The following CCSER1 variants were observed in gnomAD, a reference collection of about 807,000 sequenced individuals.
CCSER1 encodes coiled-coil serine rich protein 1.
A neutral mutation model predicts 82.0 loss-of-function variants in CCSER1; 41 were observed. The ratio of observed to expected loss-of-function variants is 0.50; its 90% CI spans 0.39 to 0.65. CCSER1 has a LOEUF of 0.65. Ranked by LOEUF, CCSER1 falls within the 30% of genes least tolerant of loss-of-function variation. The pLI is 0.00. For missense variants in CCSER1, 1,119 were observed against 1,064.2 expected (o/e 1.05, Z -0.72); for synonymous variants, 414 against 383.9 (o/e 1.08, Z -0.92).
chr4:90,843,119 A>G (rs528412214), intron 8 of CCSER1, among the ~76,000 whole-genome samples: 1 of 152,248 alleles, frequency 6.6e-6, no homozygotes, highest in East Asian at 1.9e-4. Context: ...TATTTGCATG[A>G]CCTTGGGTAA....
intron 5 of CCSER1, among the ~76,000 whole-genome samples, chr4:90,600,207 C>G (rs528771160): frequency 2.6e-5 from 4 of 152,190 alleles, no homozygotes; most frequent in Non-Finnish European, 4.4e-5. Flanking sequence ...ATTTATTTCT[C>G]TTGAGTAAAT....
chr4:90,523,739 C>T (rs905730309), intron 5 of CCSER1, among the ~76,000 whole-genome samples: 4 of 151,912 alleles, frequency 2.6e-5, no homozygotes. Context: ...TCATGATACT[C>T]CAAACTATAA....
At chr4:91,420,701 GAAATT>G (rs944230451) in intron 10 of CCSER1, among the ~76,000 whole-genome samples, 3 of 152,028 alleles carry the variant, frequency 2.0e-5, no homozygotes, top group Admixed American at 1.3e-4. Flanking sequence ...ATGTCCAAAG[GAAATT>G]AAATTAATAT....
chr4:91,090,786 T>A (rs1011326930), intron 10 of CCSER1, among the ~76,000 whole-genome samples: 1 of 152,210 alleles, frequency 6.6e-6, no homozygotes, highest in Non-Finnish European at 1.5e-5. Flanking sequence ...ATTTAGTTCA[T>A]CATAGAAAGT....
At chr4:90,870,969 T>A (rs1038611788) in intron 8 of CCSER1, among the ~76,000 whole-genome samples, 1 of 151,194 alleles carries the variant, frequency 6.6e-6, no homozygotes, top group Admixed American at 6.6e-5. Context: ...TTTCCTTTTT[T>A]AATGTATGTT....
intron 7 of CCSER1, among the ~76,000 whole-genome samples, chr4:90,788,557 T>G (rs1327191641): frequency 1.3e-5 from 2 of 152,164 alleles, no homozygotes; most frequent in African/African-American, 2.4e-5. Context: ...CCTGTAGGTG[T>G]CCTTTGTGTC....
chr4:90,489,683 C>T (rs1767660615), intron 5 of CCSER1, among the ~76,000 whole-genome samples: 1 of 152,142 alleles, frequency 6.6e-6, no homozygotes, highest in Admixed American at 6.5e-5. Context: ...CACCCAACCC[C>T]ATGACAGGCC....
chr4:90,778,536 A>AAAC (rs1399975758), intron 7 of CCSER1, among the ~76,000 whole-genome samples: 2 of 150,320 alleles, frequency 1.3e-5, no homozygotes, highest in South Asian at 2.1e-4. Context: ...TTAAAAAAAA[A>AAAC]AAAACACAAA....
At chr4:90,232,153 C>T (rs575928016) in intron 1 of CCSER1, among the ~76,000 whole-genome samples, 2 of 152,218 alleles carry the variant, frequency 1.3e-5, no homozygotes, top group East Asian at 3.9e-4. Context: ...AAAAAAGAGC[C>T]CACATCGCCA....
At chr4:91,529,857 T>C (rs1262530562) in intron 10 of CCSER1, among the ~76,000 whole-genome samples, 1 of 152,182 alleles carries the variant, frequency 6.6e-6, no homozygotes, top group Admixed American at 6.5e-5. Context: ...GTTGTAGATA[T>C]TAACTAAAAT....
At chr4:91,107,423 T>G (rs981338914) in intron 10 of CCSER1, among the ~76,000 whole-genome samples, 1 of 151,908 alleles carries the variant, frequency 6.6e-6, no homozygotes, top group African/African-American at 2.4e-5. Flanking sequence ...CCTGGCTAAT[T>G]TTTTTGTATT....
intron 10 of CCSER1, among the ~76,000 whole-genome samples, chr4:91,316,297 T>G (rs1745833445): frequency 6.6e-6 from 1 of 151,988 alleles, no homozygotes; most frequent in African/African-American, 2.4e-5. Flanking sequence ...ATTAGTAAAT[T>G]CAAAGAACAT....
chr4:91,186,824 A>G (rs1581735850), intron 10 of CCSER1, among the ~76,000 whole-genome samples: 3 of 152,220 alleles, frequency 2.0e-5, no homozygotes, highest in Non-Finnish European at 4.4e-5. Flanking sequence ...TGCTCATGCT[A>G]TTGTTTGTGG....
At chr4:90,652,237 G>A (rs6851644) in intron 6 of CCSER1, among the ~76,000 whole-genome samples, 77,982 of 151,866 alleles carry the variant, frequency 0.51, 20,245 homozygotes, top group Middle Eastern at 0.66. Flanking sequence ...AAACACTTAG[G>A]AATATAATTT....
chr4:90,266,374 A>G (rs571690781), intron 1 of CCSER1, among the ~76,000 whole-genome samples: 10 of 152,046 alleles, frequency 6.6e-5, no homozygotes, highest in Non-Finnish European at 1.3e-4. Flanking sequence ...ACTCTCCAGT[A>G]TGTATAGTAT....
At chr4:90,330,974 G>C (rs576442328) in intron 3 of CCSER1, among the ~76,000 whole-genome samples, 2 of 152,002 alleles carry the variant, frequency 1.3e-5, no homozygotes, top group South Asian at 4.2e-4. Flanking sequence ...CAGAACAAGC[G>C]ACCTATTCAA....
chr4:90,747,391 A>C (rs907384720), intron 7 of CCSER1, among the ~76,000 whole-genome samples: 2 of 152,180 alleles, frequency 1.3e-5, no homozygotes, highest in Non-Finnish European at 2.9e-5. Flanking sequence ...AGCAAATCAA[A>C]ATTTCTTGGA....
At chr4:90,340,341 A>G (rs1273836741) in intron 3 of CCSER1, among the ~76,000 whole-genome samples, 1 of 152,162 alleles carries the variant, frequency 6.6e-6, no homozygotes, top group African/African-American at 2.4e-5. Context: ...ACTAAAAGCA[A>G]GCGGAGTTTG....
intron 5 of CCSER1, among the ~76,000 whole-genome samples, chr4:90,508,842 A>G (rs1452128337): frequency 6.6e-6 from 1 of 152,066 alleles, no homozygotes; most frequent in East Asian, 1.9e-4. Context: ...CAATAGAAAT[A>G]ACTTTATCTT....
Sources: gnomAD v4.1 joint callset for allele counts (sites outside exome capture counted in the v4.1 genomes callset) on GRCh38, gnomAD v4.1.1 for gene constraint, MANE v1.5 for transcripts, NCBI Gene and HGNC (gene_info 2026-07-23, HGNC 2026-07-21) for gene names.